Variants in USP13 observed in about 807,000 individuals in gnomAD.
The protein encoded by USP13 is ubiquitin carboxyl-terminal hydrolase 13.
In USP13, 68 loss-of-function variants were observed where a neutral mutation model predicts 107.8. The ratio of observed to expected loss-of-function variants is 0.63; its 90% confidence interval spans 0.52 to 0.77. The LOEUF (loss-of-function observed/expected upper bound fraction) is 0.77. Ranked by LOEUF, USP13 falls within the 30% of genes least tolerant of loss-of-function variation. The pLI is 0.00. For missense variants in USP13, 945 were observed against 1,093.3 expected (o/e 0.86, Z 1.91); for synonymous variants, 377 against 389.5 (o/e 0.97, Z 0.38).
intron 6 of USP13, among the ~76,000 whole-genome samples, chr3:179,713,543 G>A (rs74938614): frequency 6.6e-6 from 1 of 152,128 alleles, no homozygotes; most frequent in African/African-American, 2.4e-5. Flanking sequence ...CCATCTCTCG[G>A]TGAAGTTTCC....
At chr3:179,716,756 G>C (rs1713126588) in intron 6 of USP13, among the ~76,000 whole-genome samples, 1 of 152,078 alleles carries the variant, frequency 6.6e-6, no homozygotes, top group Admixed American at 6.6e-5. Context: ...ATTTTGATCT[G>C]GGTTCTTACA....
rs1326480580 is a variant in USP13 at position 179,785,833 on chromosome 3, C to T, written c.*1692C>T. ...GCTGACTGTGGACCTTGGGCAAGTC[C>T]TTCATCCGTCCTGTGCCTCACTGTC... On this transcript the variant is annotated 3_prime_UTR_variant, in exon 21 of 21. Coordinates refer to ENST00000263966, the MANE Select transcript of USP13 (RefSeq NM_003940.3). 6.6e-6 allele frequency: 1 copy of T among 152,326 alleles called. No individual in the cohort carries two copies. Among genetic ancestry groups the T allele is most frequent in the Non-Finnish European group, 1.5e-5 (1 of 68,168 alleles). The allele number at this position is 152,326 out of a possible 1,614,324, so 9.4% of individuals were successfully genotyped here.
intron 19 of USP13, among the ~76,000 whole-genome samples, chr3:179,779,037 G>C (rs1715649495): frequency 6.6e-6 from 1 of 152,122 alleles, no homozygotes; most frequent in South Asian, 2.1e-4. Flanking sequence ...AGGTATAACA[G>C]CTTGAAGGTC....
intron 19 of USP13, among the ~76,000 whole-genome samples, chr3:179,769,287 A>G (rs1715274547): frequency 6.6e-6 from 1 of 152,236 alleles, no homozygotes; most frequent in African/African-American, 2.4e-5. Context: ...CATGTACCAT[A>G]GTTTATATAC....
chr3:179,768,849 C>T (rs1046378916), intron 19 of USP13, among the ~76,000 whole-genome samples: 2 of 152,140 alleles, frequency 1.3e-5, no homozygotes, highest in African/African-American at 4.8e-5. Flanking sequence ...ACATGACTTC[C>T]TGTACTTTAC....
At chr3:179,765,672 ATC>A (rs750881917) in intron 18 of USP13, 21 bp from the exon 19 acceptor site, 4 of 1,612,914 alleles carry the variant, frequency 2.5e-6, no homozygotes, top group Admixed American at 1.7e-5. Flanking sequence ...TTGTAAAAAC[ATC>A]TGTTTCTTTT....
At chr3:179,775,813 C>T (rs903466338) in intron 19 of USP13, among the ~76,000 whole-genome samples, 17 of 152,334 alleles carry the variant, frequency 1.1e-4, no homozygotes, top group Middle Eastern at 3.4e-3. Flanking sequence ...TGCTGGCTCG[C>T]GAGCATTGTG....
intron 19 of USP13, among the ~76,000 whole-genome samples, chr3:179,774,817 A>G (rs1715467103): frequency 6.6e-6 from 1 of 152,178 alleles, no homozygotes; most frequent in Non-Finnish European, 1.5e-5. Flanking sequence ...TGATTGGTCC[A>G]TTTTACAGAG....
chr3:179,721,798 G>A lies in USP13; in HGVS notation c.1088+209G>A, dbSNP rs904216856. 5.3e-5 allele frequency among the ~76,000 whole-genome samples: 8 copies of A among 152,094 alleles called. No homozygotes were observed. Among genetic ancestry groups the A allele is most frequent in the Non-Finnish European group, 1.0e-4 (7 of 68,036 alleles). ...GATAAGAAGAGCTTTGTGGCCGGGCGCAGTGTCTAACGCCTGTAATCTCAG... is the reference window on the plus strand; with the variant it reads ...GATAAGAAGAGCTTTGTGGCCGGGCACAGTGTCTAACGCCTGTAATCTCAG... On this transcript the variant is annotated intron_variant, in intron 8 of 20. Transcript: ENST00000263966. This position sits in a 1 kb window ranked among gnomAD's most constrained non-coding sequence, Gnocchi z 4.3.
At chr3:179,694,799 C>CAAAGAAAAAAAAAAA (rs1327789835) in intron 3 of USP13, among the ~76,000 whole-genome samples, 3 of 82,140 alleles carry the variant, frequency 3.7e-5, no homozygotes, top group Non-Finnish European at 4.9e-5. Flanking sequence ...AACTCCATCT[C>CAAAGAAAAAAAAAAA]AAAAAAAAAA....
At chr3:179,739,537 T>C (rs1009058113) in intron 10 of USP13, among the ~76,000 whole-genome samples, 20 of 152,200 alleles carry the variant, frequency 1.3e-4, no homozygotes, top group Non-Finnish European at 2.2e-4. Context: ...TGCAGAGCTC[T>C]CCTCTCATTT....
intron 18 of USP13, among the ~76,000 whole-genome samples, chr3:179,764,860 G>C (rs1418095430): frequency 6.6e-6 from 1 of 152,164 alleles, no homozygotes; most frequent in African/African-American, 2.4e-5. Flanking sequence ...CTGATGGGGT[G>C]CCTGCTAGGA....
At chr3:179,685,684 C>T (rs1334557575) in intron 2 of USP13, among the ~76,000 whole-genome samples, 4 of 151,102 alleles carry the variant, frequency 2.6e-5, no homozygotes, top group Admixed American at 1.3e-4. Flanking sequence ...GTAACTTGCT[C>T]AGGGTCACAA....
chr3:179,762,611 T>C (rs921492416), intron 17 of USP13, among the ~76,000 whole-genome samples: 1 of 152,084 alleles, frequency 6.6e-6, no homozygotes, highest in Admixed American at 6.5e-5. Context: ...ATAATAATAG[T>C]CTATTTTATG....
intron 19 of USP13, among the ~76,000 whole-genome samples, chr3:179,780,214 C>G (rs908325594): frequency 1.6e-4 from 24 of 152,136 alleles, no homozygotes. Flanking sequence ...TAACATTGTA[C>G]AGGAGGTTCT....
At position 179,721,346 on chromosome 3, in the gene USP13, G is replaced by A; in HGVS notation, c.901-56G>A. The A allele has an allele frequency of 6.4e-7, 1 of 1,562,098 alleles. No homozygotes were observed. Among genetic ancestry groups the A allele is most frequent in the Non-Finnish European group, 8.7e-7 (1 of 1,146,170 alleles). Reference sequence around the variant, plus strand: ...CTGTTAGAAATAATTAACGGGACATGACCTTTGAATGGGAATCACATTTAA... The same window carrying A: ...CTGTTAGAAATAATTAACGGGACATAACCTTTGAATGGGAATCACATTTAA... On this transcript the variant is annotated intron_variant, in intron 7 of 20. Coordinates refer to ENST00000263966, the MANE Select transcript of USP13 (RefSeq NM_003940.3). This position sits in a 1 kb window ranked among gnomAD's most constrained non-coding sequence, Gnocchi z 4.3.
At position 179,740,109 on chromosome 3, in the gene USP13, C is replaced by T. The variant is rs1714134222; in HGVS notation, c.1255-138C>T. 1.2e-5 allele frequency: 15 copies of T among 1,240,888 alleles called. No individual in the cohort carries two copies. The South Asian group carries it at 1.4e-4, about 12-fold the overall frequency. The allele number at this position is 1,240,888 out of a possible 1,614,324, so 76.9% of individuals were successfully genotyped here. ...GTAAACACCCAGCGAGTATTGGCCA[C>T]TATCATTATTTACCTTCTTTGGGCT... On this transcript the variant is annotated intron_variant, in intron 10 of 20. Transcript: ENST00000263966.
At chr3:179,697,635 G>A (rs898778654) in intron 3 of USP13, among the ~76,000 whole-genome samples, 1 of 152,106 alleles carries the variant, frequency 6.6e-6, no homozygotes. Context: ...AGAAGTTGGG[G>A]GTCCCTAGGG....
intron 10 of USP13, among the ~76,000 whole-genome samples, chr3:179,738,082 C>T (rs1166109151): frequency 1.3e-5 from 2 of 152,134 alleles, no homozygotes; most frequent in Admixed American, 1.3e-4. Context: ...GTCATCGTCC[C>T]CAGACTATAG....
Sources: gnomAD v4.1 joint callset for allele counts (sites outside exome capture counted in the v4.1 genomes callset) on GRCh38, gnomAD v4.1.1 for gene constraint, Gnocchi (gnomAD v3.1) non-coding constraint, MANE v1.5 for transcripts, NCBI Gene and HGNC (gene_info 2026-07-23, HGNC 2026-07-21) for gene names.